Variants in SHLD2 observed in about 807,000 individuals in gnomAD.
SHLD2 encodes the protein RINN1-REV7-interacting novel NHEJ regulator 2.
In SHLD2, 30 loss-of-function variants were observed where a neutral mutation model predicts 73.2. The ratio of observed to expected loss-of-function variants is 0.41; its 90% confidence interval spans 0.31 to 0.56. The LOEUF (loss-of-function observed/expected upper bound fraction) is 0.56, where lower values mean the gene tolerates loss of function less well. Ranked by LOEUF, SHLD2 falls within the 20% of genes least tolerant of loss-of-function variation. The probability of loss-of-function intolerance (pLI) is 0.28; values close to 1 mark genes in which losing one functional copy is unlikely to be tolerated. For synonymous variants in SHLD2, 285 were observed against 370.1 expected, an observed-to-expected ratio of 0.77 and a Z score of 2.64; for missense variants, 745 against 1,055.9, an observed-to-expected ratio of 0.71 and a Z score of 4.08.
chr10:87,144,486 G>T (rs962626138), intron 2 of SHLD2, among the ~76,000 whole-genome samples: 1 of 152,090 alleles, frequency 6.6e-6, no homozygotes, highest in Non-Finnish European at 1.5e-5. Context: ...TACTAAATGA[G>T]CAATAGCTTT....
At chr10:87,154,904 A>G (rs1178690233) in intron 3 of SHLD2, among the ~76,000 whole-genome samples, 2 of 152,136 alleles carry the variant, frequency 1.3e-5, no homozygotes, top group Non-Finnish European at 2.9e-5. Context: ...TAGCTAATGT[A>G]CCTTGGTGTT....
At chr10:87,114,397 G>A (rs937473876) in intron 2 of SHLD2, 12 of 152,234 alleles carry the variant, frequency 7.9e-5, no homozygotes, top group Middle Eastern at 3.4e-3. Context: ...GACTGGATTG[G>A]TAGGGACAAG....
At chr10:87,158,414 T>C (rs1324996938) in intron 4 of SHLD2, among the ~76,000 whole-genome samples, 4 of 152,166 alleles carry the variant, frequency 2.6e-5, no homozygotes, top group African/African-American at 9.7e-5. Flanking sequence ...CTTCACCTTT[T>C]AGGGAGTCAG....
rs948949963 is a variant in SHLD2 at position 87,190,855 on chromosome 10, G to A, written c.*172G>A. 3.6e-5 allele frequency: 22 copies of A among 609,088 alleles called. No individual in the cohort carries two copies. The highest frequency in any genetic ancestry group is 5.6e-5 in the African/African-American group (3 of 53,582). The allele number at this position is 609,088 out of a possible 1,614,324, so 37.7% of individuals were successfully genotyped here. On this transcript the variant is annotated 3_prime_UTR_variant, in exon 10 of 10. Transcript: ENST00000298786. Reference sequence around the variant, plus strand: ...CTTTTTTCTAAGAAAATCCTGTGAGGTTTAAAAAGATTGTTTTTGTCTTTT... The same window carrying A: ...CTTTTTTCTAAGAAAATCCTGTGAGATTTAAAAAGATTGTTTTTGTCTTTT...
intron 2 of SHLD2, among the ~76,000 whole-genome samples, chr10:87,116,740 T>C (rs1008490990): frequency 2.6e-5 from 4 of 152,088 alleles, no homozygotes; most frequent in Non-Finnish European, 5.9e-5. Flanking sequence ...ACGGCTGTGG[T>C]ATATATATTT....
intron 2 of SHLD2, among the ~76,000 whole-genome samples, chr10:87,120,111 C>A (rs948525264): frequency 6.6e-6 from 1 of 152,030 alleles, no homozygotes. Flanking sequence ...CTAGTTCCAA[C>A]TCTGTCCCTT....
At chr10:87,118,819 G>A (rs1272003279) in intron 2 of SHLD2, among the ~76,000 whole-genome samples, 2 of 151,646 alleles carry the variant, frequency 1.3e-5, no homozygotes, top group Non-Finnish European at 2.9e-5. Flanking sequence ...AATGACAGCT[G>A]TGTAGTGCTG....
chr10:87,167,205 GAA>G (rs1302474124), intron 4 of SHLD2, among the ~76,000 whole-genome samples: 3 of 152,120 alleles, frequency 2.0e-5, no homozygotes, highest in Non-Finnish European at 4.4e-5. Flanking sequence ...TCTGGATGGA[GAA>G]TATTCTATGA....
intron 2 of SHLD2, among the ~76,000 whole-genome samples, chr10:87,098,469 C>T (rs915654883): frequency 5.3e-5 from 8 of 149,896 alleles, no homozygotes; most frequent in Admixed American, 2.7e-4. Context: ...GCTGAGATTG[C>T]GCCATTGCAC....
At chr10:87,121,641 T>C (rs2134079642) in intron 2 of SHLD2, among the ~76,000 whole-genome samples, 1 of 152,218 alleles carries the variant, frequency 6.6e-6, no homozygotes, top group African/African-American at 2.4e-5. Flanking sequence ...CCTGCTCTAC[T>C]CAAAGCCCGT....
At chr10:87,146,598 AT>A (rs35076249) in intron 2 of SHLD2, among the ~76,000 whole-genome samples, 20,208 of 144,046 alleles carry the variant, frequency 0.14, 2,164 homozygotes, top group East Asian at 0.64. Context: ...CCAGCCTGCG[AT>A]TTTTTTTTTT....
intron 4 of SHLD2, among the ~76,000 whole-genome samples, chr10:87,163,945 T>C (rs1185117838): frequency 7.6e-5 from 11 of 144,322 alleles, no homozygotes; most frequent in Non-Finnish European, 1.5e-4. Flanking sequence ...CATTTTCTTT[T>C]CTTTTCTTTT....
At chr10:87,153,882 AG>A (rs2134344102) in intron 3 of SHLD2, among the ~76,000 whole-genome samples, 1 of 152,258 alleles carries the variant, frequency 6.6e-6, no homozygotes, top group South Asian at 2.1e-4. Flanking sequence ...GTAACCATAA[AG>A]AACATTTTGT....
chr10:87,115,947 T>C (rs1843233895), intron 2 of SHLD2, among the ~76,000 whole-genome samples: 1 of 152,190 alleles, frequency 6.6e-6, no homozygotes, highest in Non-Finnish European at 1.5e-5. Flanking sequence ...CTGTGTCATG[T>C]TCATCATTTT....
intron 2 of SHLD2, among the ~76,000 whole-genome samples, chr10:87,149,939 G>A (rs1435596934): frequency 1.3e-5 from 2 of 152,004 alleles, no homozygotes; most frequent in African/African-American, 2.4e-5. Flanking sequence ...TGTAGAGATG[G>A]TGGTCTTACT....
intron 4 of SHLD2, among the ~76,000 whole-genome samples, chr10:87,164,254 G>A (rs1457062176): frequency 1.3e-5 from 2 of 151,840 alleles, no homozygotes; most frequent in Non-Finnish European, 2.9e-5. Context: ...CACTGTGCCT[G>A]GCCTCTCTTT....
intron 2 of SHLD2, among the ~76,000 whole-genome samples, chr10:87,135,204 T>C (rs565598138): frequency 3.3e-5 from 5 of 151,960 alleles, no homozygotes; most frequent in Admixed American, 1.3e-4. Context: ...ATATTTGTTA[T>C]AATTAATGAA....
intron 2 of SHLD2, among the ~76,000 whole-genome samples, chr10:87,130,990 C>T (rs1377288836): frequency 6.6e-6 from 1 of 152,034 alleles, no homozygotes; most frequent in Non-Finnish European, 1.5e-5. Flanking sequence ...TCGCGTGAGC[C>T]TGGGATGTGG....
chr10:87,151,053 G>A (rs556391931), intron 2 of SHLD2, among the ~76,000 whole-genome samples: 307 of 152,172 alleles, frequency 2.0e-3, no homozygotes, highest in Non-Finnish European at 3.7e-3. Context: ...TCAATCTCCT[G>A]ACCTCGTGAT....
Sources: allele counts gnomAD v4.1 joint callset (sites outside exome capture counted in the v4.1 genomes callset), GRCh38; gene constraint gnomAD v4.1.1; transcripts MANE v1.5; gene names NCBI Gene and HGNC (gene_info 2026-07-23, HGNC 2026-07-21).